Variants in WWOX observed in about 807,000 individuals in gnomAD.
WWOX encodes the protein WW domain containing oxidoreductase, also known as WW domain-containing oxidoreductase.
A neutral mutation model predicts 46.2 loss-of-function variants in WWOX; 69 were observed. That is an observed-to-expected ratio of 1.49 (90% CI 1.23 to 1.82). WWOX has a LOEUF of 1.82. Among genes scored for constraint, WWOX ranks in the 40% most tolerant of loss-of-function variants. WWOX has a pLI of 0.00. For synonymous variants in WWOX, 359 were observed against 202.6 expected, an observed-to-expected ratio of 1.77 and a Z score of -6.56; for missense variants, 919 against 542.6, an observed-to-expected ratio of 1.69 and a Z score of -6.89.
At chr16:78,327,200 C>T (rs532499346) in intron 5 of WWOX, among the ~76,000 whole-genome samples, 21 of 152,242 alleles carry the variant, frequency 1.4e-4, no homozygotes, top group Non-Finnish European at 2.9e-4. Flanking sequence ...AAATTATAGG[C>T]CAGGTCTGTC....
chr16:79,000,046 C>T (rs1017781729), intron 8 of WWOX, among the ~76,000 whole-genome samples: 3 of 151,982 alleles, frequency 2.0e-5, no homozygotes, highest in Non-Finnish European at 4.4e-5. Context: ...GCTGAAATAG[C>T]GAAAGGGTCT....
At chr16:79,074,193 T>C (rs908088866) in intron 8 of WWOX, among the ~76,000 whole-genome samples, 1 of 152,044 alleles carries the variant, frequency 6.6e-6, no homozygotes, top group Non-Finnish European at 1.5e-5. Flanking sequence ...GTGTTGAAGA[T>C]AGAAGAGCAA....
In WWOX at chr16:78,976,629, G is replaced by A. The variant is rs75446933; in HGVS notation, c.1057-234979G>A. On this transcript the variant is annotated intron_variant, in intron 8 of 8. Transcript: ENST00000566780. ...TTTCCAAGCCTGAACATCCACACCCGCGAAGATAAGACCATCTCTTGGATT... is the reference window on the plus strand; with the variant it reads ...TTTCCAAGCCTGAACATCCACACCCACGAAGATAAGACCATCTCTTGGATT... Among the ~76,000 whole-genome samples the A allele has an allele frequency of 4.0e-3, 611 of 152,276 alleles. 1 individual carries two copies. The highest frequency in any genetic ancestry group is 5.5e-3 in the Non-Finnish European group (376 of 68,024).
intron 8 of WWOX, among the ~76,000 whole-genome samples, chr16:78,880,345 C>A (rs988453915): frequency 3.9e-5 from 6 of 152,196 alleles, no homozygotes; most frequent in Non-Finnish European, 2.9e-5. Context: ...AGACTGTCAC[C>A]TGCTTTTAGC....
At chr16:78,406,741 C>G (rs918981268) in intron 6 of WWOX, among the ~76,000 whole-genome samples, 1 of 151,884 alleles carries the variant, frequency 6.6e-6, no homozygotes, top group African/African-American at 2.4e-5. Flanking sequence ...ATTCTCCTGC[C>G]TCAGCCTCCC....
intron 8 of WWOX, among the ~76,000 whole-genome samples, chr16:78,572,245 G>A (rs1234678103): frequency 1.3e-5 from 2 of 152,094 alleles, no homozygotes; most frequent in African/African-American, 4.8e-5. Flanking sequence ...GATAATGGGT[G>A]GATACCAGAA....
chr16:79,054,430 A>G (rs1328664267), intron 8 of WWOX, among the ~76,000 whole-genome samples: 1 of 152,202 alleles, frequency 6.6e-6, no homozygotes, highest in Non-Finnish European at 1.5e-5. Context: ...TTTCCATTTC[A>G]AGATGACAAC....
At chr16:79,163,310 G>A (rs189728960) in intron 8 of WWOX, among the ~76,000 whole-genome samples, 18 of 152,298 alleles carry the variant, frequency 1.2e-4, no homozygotes, top group African/African-American at 3.1e-4. Flanking sequence ...TGAAAACTGC[G>A]TGGTGGAGCT....
intron 8 of WWOX, among the ~76,000 whole-genome samples, chr16:79,086,803 A>G (rs2048861801): frequency 6.6e-6 from 1 of 152,234 alleles, no homozygotes; most frequent in Non-Finnish European, 1.5e-5. Context: ...GGACTGCTTC[A>G]CGCTGGGAGG....
intron 8 of WWOX, among the ~76,000 whole-genome samples, chr16:78,474,549 C>T (rs2084310902): frequency 6.6e-6 from 1 of 152,116 alleles, no homozygotes; most frequent in African/African-American, 2.4e-5. Flanking sequence ...AACGACAGTC[C>T]GTAAACTGCA....
chr16:78,873,283 C>T (rs145372172), intron 8 of WWOX: 1 of 152,140 alleles, frequency 6.6e-6, no homozygotes, highest in Non-Finnish European at 1.5e-5. Flanking sequence ...TCACTAATTA[C>T]CAACGTGTAG....
At chr16:78,670,059 C>T (rs1225709002) in intron 8 of WWOX, among the ~76,000 whole-genome samples, 1 of 152,092 alleles carries the variant, frequency 6.6e-6, no homozygotes, top group African/African-American at 2.4e-5. Context: ...GAATGGTGGC[C>T]AAGAATTTTA....
intron 5 of WWOX, among the ~76,000 whole-genome samples, chr16:78,178,691 C>A (rs2035429574): frequency 6.6e-6 from 1 of 151,948 alleles, no homozygotes; most frequent in African/African-American, 2.4e-5. Context: ...CATGGTGAAA[C>A]TGTGTCTACT....
rs761070092 is a variant in WWOX at position 78,900,158 on chromosome 16, C to T, written c.1057-311450C>T. ...TTTAAATGAAGGAGTCAGTAACAAA[C>T]CGTTCATCATTTTGCCAGAGTAGGG... On this transcript the variant is annotated intron_variant, in intron 8 of 8. Coordinates refer to ENST00000566780, the MANE Select transcript of WWOX (RefSeq NM_016373.4). 4.7e-5 allele frequency among the ~76,000 whole-genome samples: 7 copies of T among 149,008 alleles called. No individual in the cohort carries two copies. The East Asian group carries it at 1.4e-3, about 30-fold the overall frequency.
chr16:78,534,684 C>T (rs566667595), intron 8 of WWOX: 9 of 152,196 alleles, frequency 5.9e-5, no homozygotes, highest in Admixed American at 4.6e-4. Flanking sequence ...GAATGTCCTG[C>T]AATATTGCTT....
chr16:78,975,729 A>G (rs970369597), intron 8 of WWOX, among the ~76,000 whole-genome samples: 1 of 152,144 alleles, frequency 6.6e-6, no homozygotes, highest in African/African-American at 2.4e-5. Flanking sequence ...CATAGGCAAC[A>G]CAGAGCCAAT....
intron 8 of WWOX, among the ~76,000 whole-genome samples, chr16:78,828,056 G>A (rs2051712032): frequency 6.6e-6 from 1 of 152,182 alleles, no homozygotes; most frequent in Non-Finnish European, 1.5e-5. Context: ...ATTGGCAACT[G>A]GGAGCCCTGG....
At chr16:78,595,743 C>T (rs776783928) in intron 8 of WWOX, among the ~76,000 whole-genome samples, 7 of 152,304 alleles carry the variant, frequency 4.6e-5, no homozygotes, top group African/African-American at 1.7e-4. Context: ...TAATGATTGA[C>T]TCAAGATAAT....
At chr16:78,229,572 A>G (rs1402856188) in intron 5 of WWOX, among the ~76,000 whole-genome samples, 1 of 150,692 alleles carries the variant, frequency 6.6e-6, no homozygotes, top group Admixed American at 6.6e-5. Flanking sequence ...CCTCAGATGT[A>G]TTTCTAGGAC....
Sources: allele counts gnomAD v4.1 joint callset (sites outside exome capture counted in the v4.1 genomes callset), GRCh38; gene constraint gnomAD v4.1.1; transcripts MANE v1.5; gene names NCBI Gene and HGNC (gene_info 2026-07-23, HGNC 2026-07-21).